Variants in ZNF726 observed in about 807,000 individuals in gnomAD.
The protein encoded by ZNF726 is zinc finger protein 92 pseudogene 3.
ZNF726 carries 15 observed loss-of-function variants against 11.6 expected under a neutral mutation model. That is an observed-to-expected ratio of 1.29 (90% CI 0.86 to 1.99). ZNF726 has a LOEUF of 1.99. ZNF726 is among the 30% of genes most tolerant of loss of function. The probability of loss-of-function intolerance (pLI) is 0.00; values close to 1 mark genes in which losing one functional copy is unlikely to be tolerated. For synonymous variants in ZNF726, 295 were observed against 243.6 expected, an observed-to-expected ratio of 1.21 and a Z score of -1.96; for missense variants, 890 against 725.6, an observed-to-expected ratio of 1.23 and a Z score of -2.60.
intron 3 of ZNF726, among the ~76,000 whole-genome samples, chr19:23,925,660 A>G (rs1967967055): frequency 6.8e-6 from 1 of 147,612 alleles, no homozygotes; most frequent in Admixed American, 6.7e-5. Context: ...ATTTATTTCA[A>G]TTTGTCTATT....
At chr19:23,935,452 A>G, downstream of ZNF726, 1 of 514,530 alleles carries the variant, frequency 1.9e-6, no homozygotes, top group Non-Finnish European at 3.9e-6. Flanking sequence ...CATATTGGAG[A>G]GAAATCTTAC....
chr19:23,935,726 G>A, downstream of ZNF726: 1 of 227,860 alleles, frequency 4.4e-6, no homozygotes, highest in Non-Finnish European at 8.8e-6. Context: ...ATGTGGCCAA[G>A]CTTCTAACCA....
chr19:23,943,410 A>G, intron 3 of ZNF726: 1 of 443,440 alleles, frequency 2.3e-6, no homozygotes, highest in East Asian at 3.1e-5. Context: ...AGAAGCTTTC[A>G]TAATATTTTC....
chr19:23,933,009 C>T lies in ZNF726; in HGVS notation c.893C>T (p.Ser298Leu), dbSNP rs747832243. The change falls in exon 4 of 4, where the codon TCA becomes TTA. Residue 298 changes from serine to leucine, a missense_variant. Transcript: ENST00000594466. ...TGTGGCAAAGCATTTAGCCAACCCTCAGCACTAACCATACATAAGAGGATG... is the reference window on the plus strand; with the variant it reads ...TGTGGCAAAGCATTTAGCCAACCCTTAGCACTAACCATACATAAGAGGATG... ...EECGKAFSQP[S>L]ALTIHKRMHI... 2 of 1,612,924 alleles carry T rather than the reference C, an allele frequency of 1.2e-6. No homozygotes were observed. Among genetic ancestry groups the T allele is most frequent in the Admixed American group, 1.7e-5 (1 of 59,920 alleles).
At chr19:23,935,465 G>T (rs530887826), downstream of ZNF726, 2 of 505,128 alleles carry the variant, frequency 4.0e-6, no homozygotes, top group African/African-American at 2.0e-5. Context: ...AATCTTACAA[G>T]TGTGAATAAT....
chr19:23,917,912 G>C (rs1170887925), intron 1 of ZNF726, among the ~76,000 whole-genome samples: 1 of 152,288 alleles, frequency 6.6e-6, no homozygotes, highest in East Asian at 1.9e-4. Context: ...TGCCATGAGA[G>C]TAAGCAGGAA....
chr19:23,937,474 G>A (rs1352147638), downstream of ZNF726, among the ~76,000 whole-genome samples: 14 of 151,816 alleles, frequency 9.2e-5, no homozygotes, highest in Admixed American at 4.6e-4. Flanking sequence ...CAGACGGGGC[G>A]GCCGGGCAGA....
chr19:23,940,153 T>C (rs1445896412), intron 3 of ZNF726, among the ~76,000 whole-genome samples: 1 of 152,204 alleles, frequency 6.6e-6, no homozygotes, highest in Non-Finnish European at 1.5e-5. Flanking sequence ...TTTCAGGTCT[T>C]AGGTTTAAGT....
chr19:23,929,183 G>A (rs535600665), intron 3 of ZNF726: 12 of 152,150 alleles, frequency 7.9e-5, no homozygotes, highest in Non-Finnish European at 1.6e-4. Context: ...TTTTTTATAT[G>A]TTGGTTTATT....
rs537113363 is a variant in ZNF726, at chr19:23,917,755, A to C, written c.4-1618A>C. 3.9e-5 allele frequency among the ~76,000 whole-genome samples: 6 copies of C among 152,354 alleles called. No homozygotes were observed. The East Asian group carries it at 9.6e-4, about 24-fold the overall frequency. On this transcript the variant is annotated intron_variant, in intron 1 of 3. Transcript: ENST00000594466. Reference sequence around the variant, plus strand: ...AGTTTTGCTTTTCTTACTGAGGTATAAAATGTAAGCACCTTAAAATGTTCT... The same window carrying C: ...AGTTTTGCTTTTCTTACTGAGGTATCAAATGTAAGCACCTTAAAATGTTCT...
chr19:23,943,344 TGTTCTAAATATTCTAAAG>T (rs1568384830), intron 3 of ZNF726: 1 of 410,046 alleles, frequency 2.4e-6, no homozygotes, highest in Non-Finnish European at 4.3e-6. Context: ...ATGTAAAATA[TGTTCTAAATATTCTAAAG>T]GTTCTATCAG....
intron 3 of ZNF726, among the ~76,000 whole-genome samples, chr19:23,931,150 T>C (rs1336298057): frequency 6.6e-6 from 1 of 152,072 alleles, no homozygotes; most frequent in Non-Finnish European, 1.5e-5. Context: ...TTTTGTATTG[T>C]TTTAGTAGAG....
downstream of ZNF726, among the ~76,000 whole-genome samples, chr19:23,937,770 G>A (rs1301008266): frequency 6.6e-6 from 1 of 152,192 alleles, no homozygotes; most frequent in African/African-American, 2.4e-5. Flanking sequence ...TGCAATCTCG[G>A]CACTTTGGGA....
intron 3 of ZNF726, 104 bp downstream of exon 3, chr19:23,920,186 G>T: frequency 1.3e-6 from 1 of 770,576 alleles, no homozygotes; most frequent in South Asian, 1.5e-5. Context: ...AAAGGAAACC[G>T]TTTCTGGAAA....
At chr19:23,941,283 G>A (rs192398243) in intron 3 of ZNF726, among the ~76,000 whole-genome samples, 1 of 152,188 alleles carries the variant, frequency 6.6e-6, no homozygotes, top group East Asian at 1.9e-4. Context: ...TATCACATTT[G>A]TTGACGTGTG....
intron 3 of ZNF726, among the ~76,000 whole-genome samples, chr19:23,922,466 C>T (rs958477235): frequency 7.4e-4 from 113 of 152,184 alleles, no homozygotes; most frequent in African/African-American, 2.6e-3. Context: ...CTCCAGGCCT[C>T]TGGAAGGGCA....
rs1968149438 is a variant in ZNF726, at chr19:23,933,041, G to T, written c.925G>T (p.Gly309Ter). Residue 309 changes from glycine (G) to a stop codon, truncating the protein, a stop_gained, in exon 4 of 4, where the codon GGA becomes TGA. Transcript: ENST00000594466. LOFTEE classifies it low-confidence loss of function (END_TRUNC). ...AACCATACATAAGAGGATGCACATTGGAGAGAAACCCTACAAATGTGAAGA... is the reference window on the plus strand; with the variant it reads ...AACCATACATAAGAGGATGCACATTTGAGAGAAACCCTACAAATGTGAAGA... The part of the protein sequence containing the change: ...ALTIHKRMHI[G>*]EKPYKCEECG... 1 of 1,613,468 alleles carries T rather than the reference G, an allele frequency of 6.2e-7. No homozygotes were observed. The highest frequency in any genetic ancestry group is 8.5e-7 in the Non-Finnish European group (1 of 1,179,944).
At chr19:23,923,409 ATTTTTTTT>A (rs567346496) in intron 3 of ZNF726, 11 of 334,504 alleles carry the variant, frequency 3.3e-5, no homozygotes, top group African/African-American at 7.7e-5. Flanking sequence ...GATGCCAGTA[ATTTTTTTT>A]TTTTTTTTTT....
chr19:23,925,637 A>G (rs897623332), intron 3 of ZNF726, among the ~76,000 whole-genome samples: 1 of 151,216 alleles, frequency 6.6e-6, no homozygotes, highest in Non-Finnish European at 1.5e-5. Flanking sequence ...GTCCTTTCAA[A>G]TTTTTGAAGA....
Sources: allele counts gnomAD v4.1 joint callset (sites outside exome capture counted in the v4.1 genomes callset), GRCh38; gene constraint gnomAD v4.1.1; transcripts MANE v1.5; gene names NCBI Gene and HGNC (gene_info 2026-07-23, HGNC 2026-07-21).